RNF175: variants seen among roughly 807,000 people sequenced by gnomAD.
The protein encoded by RNF175 is ring finger protein 175.
RNF175 carries 38 observed loss-of-function variants against 50.0 expected under a neutral mutation model. The ratio of observed to expected loss-of-function variants is 0.76; its 90% confidence interval spans 0.59 to 1.00. The LOEUF (loss-of-function observed/expected upper bound fraction) is 1.00, where lower values mean the gene tolerates loss of function less well. Among genes scored for constraint, RNF175 ranks in the 50% least tolerant of loss-of-function variants. RNF175 has a pLI of 0.00. For missense variants in RNF175, 388 were observed against 409.6 expected (o/e 0.95, Z 0.46); for synonymous variants, 155 against 146.1 (o/e 1.06, Z -0.44).
intron 3 of RNF175, among the ~76,000 whole-genome samples, chr4:153,738,739 T>A (rs1739485381): frequency 6.6e-6 from 1 of 152,236 alleles, no homozygotes; most frequent in African/African-American, 2.4e-5. Flanking sequence ...ATAGTTGGAT[T>A]AATATCTACC....
In RNF175 at chr4:153,729,411, T is replaced by C. The variant is rs1738907226; in HGVS notation, c.247-1050A>G. On this transcript the variant is annotated intron_variant, in intron 3 of 8. Transcript: ENST00000347063. ...GTGGGAAGAGTGGTTAGAGCTTGCT[T>C]ATCGCATATTCATCATCCTGAGTAT... Among the ~76,000 whole-genome samples the C allele has an allele frequency of 1.3e-5, 2 of 152,240 alleles. 1 individual carries two copies. Among genetic ancestry groups the C allele is most frequent in the South Asian group, 4.1e-4 (2 of 4,830 alleles).
At chr4:153,749,715 G>A (rs1270704705) in intron 2 of RNF175, among the ~76,000 whole-genome samples, 1 of 152,100 alleles carries the variant, frequency 6.6e-6, no homozygotes, top group Non-Finnish European at 1.5e-5. Context: ...GAAACACTGG[G>A]AAGCTTTAAA....
intron 8 of RNF175, among the ~76,000 whole-genome samples, chr4:153,711,221 G>A (rs1199051562): frequency 6.6e-6 from 1 of 152,054 alleles, no homozygotes; most frequent in Non-Finnish European, 1.5e-5. Context: ...AAACTGTTCT[G>A]GACTTGGTAT....
intron 3 of RNF175, among the ~76,000 whole-genome samples, chr4:153,734,209 G>C (rs1053322429): frequency 6.6e-6 from 1 of 152,060 alleles, no homozygotes; most frequent in African/African-American, 2.4e-5. Context: ...AATTTAACTG[G>C]GTAAATACCC....
chr4:153,755,666 C>G (rs1349072255), intron 1 of RNF175, among the ~76,000 whole-genome samples: 1 of 126,836 alleles, frequency 7.9e-6, no homozygotes, highest in East Asian at 2.4e-4. Flanking sequence ...TCCCCCACCC[C>G]CGCAAAAAAA....
chr4:153,747,812 G>C (rs150222874), intron 3 of RNF175, among the ~76,000 whole-genome samples: 1 of 152,130 alleles, frequency 6.6e-6, no homozygotes, highest in Non-Finnish European at 1.5e-5. Context: ...CCACTTCTTC[G>C]TATCAATTTT....
intron 2 of RNF175, among the ~76,000 whole-genome samples, chr4:153,751,104 A>G (rs570748591): frequency 3.3e-4 from 51 of 152,390 alleles, no homozygotes; most frequent in African/African-American, 1.2e-3. Flanking sequence ...ACAGGGCCCA[A>G]TGGCCCTACA....
intron 5 of RNF175, chr4:153,723,098 C>T (rs1439167): frequency 0.37 from 99,967 of 267,166 alleles, 19,344 homozygotes; most frequent in African/African-American, 0.44. Context: ...CTGTTAATAG[C>T]AATCTTTTAA....
chr4:153,728,379 AG>A lies in RNF175; in HGVS notation c.247-19del. On this transcript the variant is annotated intron_variant, in intron 3 of 8. Transcript: ENST00000347063. ...GTCACCAGCTGTCAGAGAAATGAAC[AG>A]GAAGTATCTTTCAATGACCAAGTGC... 1 of 1,611,600 alleles carries A rather than the reference AG, an allele frequency of 6.2e-7. No homozygotes were observed. Among genetic ancestry groups the A allele is most frequent in the Non-Finnish European group, 8.5e-7 (1 of 1,178,182 alleles).
At chr4:153,753,080 G>C (rs1291944703) in intron 1 of RNF175, among the ~76,000 whole-genome samples, 1 of 152,156 alleles carries the variant, frequency 6.6e-6, no homozygotes, top group Non-Finnish European at 1.5e-5. Flanking sequence ...GGAGTCCAGA[G>C]CAGCCAATTC....
rs766983400 is a variant in RNF175 at position 153,715,531 on chromosome 4, A to G, written c.762T>C (p.His254=). ...IENTYQLSCN[H]VFHEFCIRGW... The stretch of plus-strand genomic sequence containing the variant: ...ACAATTTCCTTTGAAAAGGATACAC[A>G]TGATTACAGGAAAGCTGGTAGGTGT... The change falls in exon 7 of 9, where the codon CAT becomes CAC. Residue 254 remains histidine (H), a splice_region_variant and synonymous_variant. Transcript: ENST00000347063. 2 of 1,588,858 alleles carry G rather than the reference A, an allele frequency of 1.3e-6. No individual in the cohort carries two copies. The highest frequency in any genetic ancestry group is 2.3e-5 in the East Asian group (1 of 43,810).
At chr4:153,725,149 T>G (rs960902101) in intron 4 of RNF175, among the ~76,000 whole-genome samples, 31 of 145,010 alleles carry the variant, frequency 2.1e-4, no homozygotes, top group African/African-American at 7.7e-4. Context: ...CAGGGGTGAG[T>G]TAAGTGGAGA....
Position 153,712,496 on chromosome 4 carries a change from A to G in RNF175, c.845T>C (p.Leu282Ser), listed in dbSNP as rs528121328. 5.0e-6 allele frequency: 8 copies of G among 1,606,704 alleles called. No individual in the cohort carries two copies. In the Admixed American group the frequency reaches 1.3e-4, roughly 27 times the overall value. The stretch of plus-strand genomic sequence containing the variant: ...ATATGGATTACTGATCATCCTCTTC[A>G]AATCAACTTTCTCTTTGCAGTAAGG... ...TCPYCKEKVD[L>S]KRMISNPWER... Residue 282 changes from leucine to serine, a missense_variant, in exon 8 of 9, where the codon TTG becomes TCG. Transcript: ENST00000347063.
In RNF175 at chr4:153,734,068, A is replaced by C. The variant is rs114484181; in HGVS notation, c.247-5707T>G. On this transcript the variant is annotated intron_variant, in intron 3 of 8. Coordinates refer to ENST00000347063, the MANE Select transcript of RNF175 (RefSeq NM_173662.4). ...TCTTTTTATTATTGAATAGTATTCC[A>C]TTGCATGAATGTACCACAGTTTATT... Among the ~76,000 whole-genome samples the C allele has an allele frequency of 2.5e-3, 376 of 152,320 alleles. 1 individual carries two copies. Among genetic ancestry groups the C allele is most frequent in the Non-Finnish European group, 4.6e-3 (316 of 68,026 alleles).
rs370653031 is a variant in RNF175 at position 153,710,388 on chromosome 4, T to C, written c.968A>G (p.Tyr323Cys). The stretch of plus-strand genomic sequence containing the variant: ...GCTGTCCTATTCCAGCCCTAGTGAA[T>C]AGATAATGCCTTGAACTATTCCTAT... ...VVIGIVQGII[Y>C]SLGLE The change falls in exon 9 of 9, where the codon TAT (tyrosine) becomes TGT (cysteine). Residue 323 changes from tyrosine to cysteine, a missense_variant. Physicochemically the swap from Tyr to Cys is radical, Grantham distance 194. Coordinates refer to ENST00000347063, the MANE Select transcript of RNF175 (RefSeq NM_173662.4). 6 of 1,558,840 alleles carry C rather than the reference T, an allele frequency of 3.8e-6. No homozygotes were observed. Among genetic ancestry groups the C allele is most frequent in the Non-Finnish European group, 5.2e-6 (6 of 1,149,822 alleles).
At chr4:153,747,246 C>T (rs868311193) in intron 3 of RNF175, among the ~76,000 whole-genome samples, 9 of 152,320 alleles carry the variant, frequency 5.9e-5, no homozygotes, top group South Asian at 2.1e-4. Flanking sequence ...TTATTCTTTA[C>T]GTAGCCAGGC....
chr4:153,743,456 A>G (rs190275449), intron 3 of RNF175, among the ~76,000 whole-genome samples: 1 of 152,348 alleles, frequency 6.6e-6, no homozygotes, highest in Admixed American at 6.5e-5. Flanking sequence ...GCAAAGAAGT[A>G]GAATATATTC....
intron 1 of RNF175, among the ~76,000 whole-genome samples, chr4:153,752,584 G>A (rs1196405277): frequency 6.6e-5 from 10 of 152,286 alleles, no homozygotes; most frequent in Admixed American, 1.3e-4. Context: ...AAAAGTACTA[G>A]AAGAAAACAT....
intron 1 of RNF175, among the ~76,000 whole-genome samples, chr4:153,754,855 C>G (rs1265909605): frequency 1.3e-5 from 2 of 152,220 alleles, no homozygotes; most frequent in Non-Finnish European, 2.9e-5. Flanking sequence ...AGTAAGAAGT[C>G]TCCCCTAGAG....
Sources: gnomAD v4.1 joint callset for allele counts (sites outside exome capture counted in the v4.1 genomes callset) on GRCh38, gnomAD v4.1.1 for gene constraint, MANE v1.5 for transcripts, NCBI Gene and HGNC (gene_info 2026-07-23, HGNC 2026-07-21) for gene names.